Variants in NRXN1 observed in about 807,000 individuals in gnomAD.
NRXN1 encodes neurexin 1.
In NRXN1, 39 loss-of-function variants were observed where a neutral mutation model predicts 150.9. The observed-to-expected ratio is 0.26, with a 90% CI of 0.20 to 0.34. The LOEUF (loss-of-function observed/expected upper bound fraction) is 0.34, where lower values mean the gene tolerates loss of function less well. Ranked by LOEUF, NRXN1 falls within the 10% of genes least tolerant of loss-of-function variation. The probability of loss-of-function intolerance (pLI) is 1.00; values close to 1 mark genes in which losing one functional copy is unlikely to be tolerated. For missense variants in NRXN1, 1,815 were observed against 1,949.9 expected (o/e 0.93, Z 1.30); for synonymous variants, 924 against 757.0 (o/e 1.22, Z -3.62).
chr2:50,333,878 G>T (rs2076989535), intron 17 of NRXN1, among the ~76,000 whole-genome samples: 1 of 152,030 alleles, frequency 6.6e-6, no homozygotes, highest in African/African-American at 2.4e-5. Flanking sequence ...TCTGCATATT[G>T]TGAATGAGGA....
chr2:50,230,701 C>T (rs2064858590), intron 18 of NRXN1, among the ~76,000 whole-genome samples: 1 of 151,682 alleles, frequency 6.6e-6, no homozygotes, highest in Non-Finnish European at 1.5e-5. Flanking sequence ...ATTCTAGAAA[C>T]CAAAAACATA....
At chr2:50,742,295 C>A (rs1477063245) in intron 5 of NRXN1, among the ~76,000 whole-genome samples, 2 of 150,496 alleles carry the variant, frequency 1.3e-5, no homozygotes, top group Non-Finnish European at 3.0e-5. Flanking sequence ...TTCTTTTCTG[C>A]CCTTAAATTG....
At chr2:50,099,769 G>A (rs930438081) in intron 18 of NRXN1, among the ~76,000 whole-genome samples, 2 of 152,114 alleles carry the variant, frequency 1.3e-5, no homozygotes, top group African/African-American at 4.8e-5. Context: ...AAATGGGAAA[G>A]CTAAAGCTCA....
intron 5 of NRXN1, among the ~76,000 whole-genome samples, chr2:50,820,321 C>G (rs1375801737): frequency 1.3e-5 from 2 of 152,138 alleles, no homozygotes; most frequent in Middle Eastern, 3.4e-3. Flanking sequence ...TTTCTAACAC[C>G]ACTTCCTGCA....
At chr2:50,889,592 A>G (rs556015297) in intron 5 of NRXN1, among the ~76,000 whole-genome samples, 46 of 151,880 alleles carry the variant, frequency 3.0e-4, no homozygotes, top group African/African-American at 8.4e-4. Flanking sequence ...CAGAAAAAAC[A>G]TATTTTTACA....
chr2:50,724,870 C>T (rs952967225), intron 5 of NRXN1, among the ~76,000 whole-genome samples: 2 of 152,078 alleles, frequency 1.3e-5, no homozygotes, highest in African/African-American at 4.8e-5. Context: ...TCTTCTTTTG[C>T]TCTTCACAAT....
chr2:50,830,822 T>C (rs970668347), intron 5 of NRXN1, among the ~76,000 whole-genome samples: 6 of 151,838 alleles, frequency 4.0e-5, no homozygotes, highest in African/African-American at 1.5e-4. Context: ...AACATAAGCA[T>C]ACTCCATGGC....
At chr2:49,985,018 G>C (rs1006352344) in intron 21 of NRXN1, among the ~76,000 whole-genome samples, 2 of 152,200 alleles carry the variant, frequency 1.3e-5, no homozygotes, top group African/African-American at 4.8e-5. Flanking sequence ...TTAGTGGAGA[G>C]AATGGGGCAG....
At chr2:50,170,629 A>G (rs1038113353) in intron 18 of NRXN1, among the ~76,000 whole-genome samples, 1 of 152,086 alleles carries the variant, frequency 6.6e-6, no homozygotes, top group African/African-American at 2.4e-5. Context: ...CATCATTCAT[A>G]TTTTATATTT....
intron 17 of NRXN1, among the ~76,000 whole-genome samples, chr2:50,370,691 T>C (rs1285718072): frequency 1.3e-5 from 2 of 151,788 alleles, no homozygotes; most frequent in Non-Finnish European, 2.9e-5. Flanking sequence ...AAGGGAAAGG[T>C]GGTGGAAGAG....
At chr2:50,107,438 A>T (rs1294517397) in intron 18 of NRXN1, among the ~76,000 whole-genome samples, 3 of 150,314 alleles carry the variant, frequency 2.0e-5, no homozygotes, top group African/African-American at 7.3e-5. Context: ...GCTGTTTAAA[A>T]TTATTACTAT....
At position 51,028,299 on chromosome 2, in the gene NRXN1, G is replaced by A. The variant is rs954883040; in HGVS notation, c.-26C>T. ...GCTCGGGGCTGGGGTGCGGCGGGGG[G>A]GTGCCGGGGCCGACAGGGTCAAAAT... is the stretch of plus-strand genomic sequence containing the variant. On this transcript the variant is annotated 5_prime_UTR_variant, in exon 2 of 23. Coordinates refer to ENST00000401669, the MANE Select transcript of NRXN1 (RefSeq NM_001330078.2). 1.4e-6 allele frequency: 2 copies of A among 1,411,006 alleles called. No homozygotes were observed. Among genetic ancestry groups the A allele is most frequent in the African/African-American group, 1.4e-5 (1 of 69,010 alleles). The allele number at this position is 1,411,006 out of a possible 1,614,324, so 87.4% of individuals were successfully genotyped here. A position where few individuals can be genotyped will look rare whatever the true frequency, so the allele number is the denominator to read the frequency against.
At chr2:50,842,280 T>C (rs548773140) in intron 5 of NRXN1, among the ~76,000 whole-genome samples, 1 of 152,296 alleles carries the variant, frequency 6.6e-6, no homozygotes, top group East Asian at 1.9e-4. Context: ...TGTGTTAATA[T>C]ATCCATATCT....
chr2:50,809,518 T>C (rs1235993055), intron 5 of NRXN1, among the ~76,000 whole-genome samples: 1 of 152,148 alleles, frequency 6.6e-6, no homozygotes, highest in African/African-American at 2.4e-5. Context: ...AATTTGAATG[T>C]CTTTCCCTTC....
chr2:50,227,192 T>C (rs1362731635), intron 18 of NRXN1, among the ~76,000 whole-genome samples: 1 of 151,932 alleles, frequency 6.6e-6, no homozygotes, highest in Non-Finnish European at 1.5e-5. Context: ...TTTGTTGTTG[T>C]TATTTTGCCA....
chr2:50,960,346 C>A (rs1276196247), intron 2 of NRXN1, among the ~76,000 whole-genome samples: 1 of 150,662 alleles, frequency 6.6e-6, no homozygotes, highest in Non-Finnish European at 1.5e-5. Flanking sequence ...TCCTTCCCTC[C>A]TTTCCTTCCT....
chr2:50,827,015 T>C (rs531562030), intron 5 of NRXN1, among the ~76,000 whole-genome samples: 2 of 152,262 alleles, frequency 1.3e-5, no homozygotes, highest in East Asian at 1.9e-4. Flanking sequence ...GAGGAGAACA[T>C]AGCATCATGA....
chr2:49,958,138 T>A (rs568444484), intron 21 of NRXN1, among the ~76,000 whole-genome samples: 1 of 152,160 alleles, frequency 6.6e-6, no homozygotes, highest in Non-Finnish European at 1.5e-5. Context: ...GACAAGAATT[T>A]TGCTAATTGT....
At chr2:50,887,830 G>A (rs1009679110) in intron 5 of NRXN1, among the ~76,000 whole-genome samples, 20 of 151,320 alleles carry the variant, frequency 1.3e-4, no homozygotes, top group Admixed American at 5.9e-4. Flanking sequence ...TAGTAATCAT[G>A]CTTTTTACTT....
Sources: allele counts gnomAD v4.1 joint callset (sites outside exome capture counted in the v4.1 genomes callset), GRCh38; gene constraint gnomAD v4.1.1; transcripts MANE v1.5; gene names NCBI Gene and HGNC (gene_info 2026-07-23, HGNC 2026-07-21).